Variants in KHDRBS2 observed in about 807,000 individuals in gnomAD.
KHDRBS2 encodes KH RNA binding domain containing, signal transduction associated 2.
A neutral mutation model predicts 44.3 loss-of-function variants in KHDRBS2; 26 were observed. The observed-to-expected ratio is 0.59, with a 90% confidence interval of 0.43 to 0.81. The LOEUF is 0.81. KHDRBS2 is among the 40% of genes least tolerant of loss of function. KHDRBS2 has a pLI of 0.00. For synonymous variants in KHDRBS2, 194 were observed against 151.1 expected, an observed-to-expected ratio of 1.28 and a Z score of -2.08; for missense variants, 476 against 433.1, an observed-to-expected ratio of 1.10 and a Z score of -0.88.
chr6:61,954,830 G>A (rs9453720), intron 4 of KHDRBS2, among the ~76,000 whole-genome samples: 17,951 of 47,014 alleles, frequency 0.38, 6,653 homozygotes, highest in African/African-American at 0.64. Flanking sequence ...ATATACACAT[G>A]CATATGTATG....
intron 3 of KHDRBS2, among the ~76,000 whole-genome samples, chr6:62,023,784 C>A (rs9342605): frequency 0.83 from 125,119 of 151,054 alleles, 52,169 homozygotes; most frequent in Admixed American, 0.88. Context: ...TGTAACCATA[C>A]ATTTGAGAAT....
At chr6:61,928,776 T>C (rs938107363) in intron 4 of KHDRBS2, among the ~76,000 whole-genome samples, 44 of 152,130 alleles carry the variant, frequency 2.9e-4, no homozygotes, top group African/African-American at 1.1e-3. Context: ...GTTTTCTACC[T>C]ATGTTTAAAG....
chr6:61,626,722 G>T, the KHDRBS2 span, among the ~76,000 whole-genome samples: 1 of 152,334 alleles, frequency 6.6e-6, no homozygotes, highest in African/African-American at 2.4e-5. Flanking sequence ...CTATGTTCGG[G>T]TGGCTTTTCC....
chr6:62,240,489 G>A lies in KHDRBS2; in HGVS notation c.91+45369C>T, dbSNP rs553644310. Among the ~76,000 whole-genome samples the A allele has an allele frequency of 2.1e-3, 312 of 151,334 alleles. 1 individual carries two copies. Among genetic ancestry groups the A allele is most frequent in the African/African-American group, 7.1e-3 (294 of 41,302 alleles). ...TGCTTGCAGGCTAGTTGAGCTGAAAGAACAAGGAAATAAGTAGGTGTACAC... is the reference window on the plus strand; with the variant it reads ...TGCTTGCAGGCTAGTTGAGCTGAAAAAACAAGGAAATAAGTAGGTGTACAC... On this transcript the variant is annotated intron_variant, in intron 1 of 8. Transcript: ENST00000281156.
chr6:62,257,155 A>G (rs563857798), intron 1 of KHDRBS2, among the ~76,000 whole-genome samples: 18 of 152,224 alleles, frequency 1.2e-4, no homozygotes, highest in African/African-American at 4.1e-4. Flanking sequence ...GGATTTGAAC[A>G]TTGGCAATGT....
chr6:61,778,034 C>T (rs1483260610), intron 6 of KHDRBS2, among the ~76,000 whole-genome samples: 2 of 151,934 alleles, frequency 1.3e-5, no homozygotes, highest in African/African-American at 4.8e-5. Context: ...GTCTGTTGTT[C>T]CCTTCATTGT....
chr6:61,747,753 T>C (rs973681568), intron 6 of KHDRBS2, among the ~76,000 whole-genome samples: 2 of 152,150 alleles, frequency 1.3e-5, no homozygotes, highest in African/African-American at 4.8e-5. Flanking sequence ...ACAATGCCCT[T>C]GTAGTCATCT....
rs1439236595 is a variant in KHDRBS2, at chr6:61,930,546, G to GA, written c.484-29176dup. 1.1e-3 allele frequency among the ~76,000 whole-genome samples: 50 copies of GA among 47,596 alleles called. 2 individuals carry two copies. The highest frequency in any genetic ancestry group is 2.2e-3 in the East Asian group (3 of 1,368). 31.2% of individuals were successfully genotyped at this position (47,596 alleles called of 152,430 possible). A position where few individuals can be genotyped will look rare whatever the true frequency, so the allele number is the denominator to read the frequency against. The stretch of plus-strand genomic sequence containing the variant: ...CCTAAAAAAAAAAAAAAAAAAAAAA[G>GA]AAAAAAAAAAAAAAAAAAAAAGGCT... On this transcript the variant is annotated intron_variant, in intron 4 of 8. Transcript: ENST00000281156.
intron 2 of KHDRBS2, among the ~76,000 whole-genome samples, chr6:62,173,196 GAA>G (rs888509563): frequency 4.9e-4 from 61 of 123,488 alleles, no homozygotes; most frequent in African/African-American, 1.8e-3. Context: ...GACTAATAAA[GAA>G]AAAAAAAAAA....
downstream of KHDRBS2, among the ~76,000 whole-genome samples, chr6:61,674,972 T>C (rs983029344): frequency 9.9e-5 from 15 of 151,756 alleles, no homozygotes; most frequent in Non-Finnish European, 1.9e-4. Context: ...TTCGTATAAT[T>C]TGTAAAGATC....
chr6:62,036,786 A>C lies in KHDRBS2; in HGVS notation c.336+11092T>G, dbSNP rs1785370002. ...AGTAATTGCCCAGTAATCTCAAGCA[A>C]ATTACTGTTTCATGGGCAACAATAT... On this transcript the variant is annotated intron_variant, in intron 3 of 8. Transcript: ENST00000281156. Among the ~76,000 whole-genome samples the C allele has an allele frequency of 2.6e-5, 4 of 152,002 alleles. No individual in the cohort carries two copies. The South Asian group carries it at 8.3e-4, about 31-fold the overall frequency.
At chr6:61,574,431 C>T in the KHDRBS2 span, 47 of 1,480,808 alleles carry the variant, frequency 3.2e-5, no homozygotes, top group East Asian at 1.1e-3. Flanking sequence ...CCATATGGAG[C>T]TTCAATTTAC....
At chr6:62,269,917 T>G (rs1221962653) in intron 1 of KHDRBS2, among the ~76,000 whole-genome samples, 1 of 152,026 alleles carries the variant, frequency 6.6e-6, no homozygotes, top group Admixed American at 6.6e-5. Flanking sequence ...AATAAACTAT[T>G]AATAAATGCA....
At chr6:61,914,346 C>CAGTA (rs748512246) in intron 4 of KHDRBS2, among the ~76,000 whole-genome samples, 7 of 152,048 alleles carry the variant, frequency 4.6e-5, no homozygotes, top group Non-Finnish European at 7.4e-5. Flanking sequence ...ATGTGGGCTT[C>CAGTA]CCTCTTCTCT....
intron 4 of KHDRBS2, among the ~76,000 whole-genome samples, chr6:61,929,302 A>G (rs1366222057): frequency 6.6e-6 from 1 of 152,212 alleles, no homozygotes; most frequent in African/African-American, 2.4e-5. Flanking sequence ...GTTGTACTAT[A>G]GTAGTAAAGT....
At chr6:61,543,488 C>G in the KHDRBS2 span, among the ~76,000 whole-genome samples, 1 of 151,958 alleles carries the variant, frequency 6.6e-6, no homozygotes, top group East Asian at 1.9e-4. Flanking sequence ...CCCTCATACA[C>G]TAATTGACTA....
chr6:61,659,790 T>C, the KHDRBS2 span, among the ~76,000 whole-genome samples: 1 of 151,780 alleles, frequency 6.6e-6, no homozygotes, highest in South Asian at 2.1e-4. Context: ...ATAACCATCT[T>C]CTGGCACACG....
chr6:61,996,325 T>C (rs1327516625), intron 3 of KHDRBS2, among the ~76,000 whole-genome samples: 7 of 152,138 alleles, frequency 4.6e-5, no homozygotes, highest in Non-Finnish European at 8.8e-5. Context: ...ATTAGCCAAA[T>C]GAGATACTGA....
intron 3 of KHDRBS2, among the ~76,000 whole-genome samples, chr6:62,046,616 CAT>C (rs1211476937): frequency 5.9e-5 from 9 of 151,852 alleles, no homozygotes; most frequent in African/African-American, 2.2e-4. Context: ...AAAGTACAGA[CAT>C]AGGTAATTAT....
Sources: gnomAD v4.1 joint callset for allele counts (sites outside exome capture counted in the v4.1 genomes callset) on GRCh38, gnomAD v4.1.1 for gene constraint, MANE v1.5 for transcripts, NCBI Gene and HGNC (gene_info 2026-07-23, HGNC 2026-07-21) for gene names.